The following CNTNAP4 variants were observed in gnomAD, a reference collection of about 807,000 sequenced individuals.
CNTNAP4 encodes the protein contactin-associated protein-like 4.
Under a neutral mutation model 148.4 loss-of-function variants are expected in CNTNAP4, and 98 were observed. The observed-to-expected ratio is 0.66, with a 90% CI of 0.56 to 0.78. The LOEUF (loss-of-function observed/expected upper bound fraction) is 0.78, where lower values mean the gene tolerates loss of function less well. Among genes scored for constraint, CNTNAP4 ranks in the 30% least tolerant of loss-of-function variants. The pLI is 0.00. For synonymous variants in CNTNAP4, 730 were observed against 565.1 expected, an observed-to-expected ratio of 1.29 and a Z score of -4.14; for missense variants, 1,935 against 1,565.6, an observed-to-expected ratio of 1.24 and a Z score of -3.98.
At position 76,522,207 on chromosome 16, in the gene CNTNAP4, C is replaced by G; in HGVS notation, c.2705C>G (p.Ala902Gly). ...CAGCTGACACCAAAGACACAGCCCG[C>G]CCCCGCTGATGGGCATGTCCTGTTA... ...VDQLTPKTQPAPADGHVLLQL... is the reference protein window; with the variant it reads ...VDQLTPKTQPGPADGHVLLQL... The change falls in exon 17 of 24, where the codon GCC becomes GGC. Residue 902 changes from alanine to glycine, a missense_variant. By Grantham distance (60) the Ala-to-Gly change is moderately conservative. Coordinates refer to ENST00000611870, the MANE Select transcript of CNTNAP4 (RefSeq NM_033401.5). The G allele has an allele frequency of 6.2e-7, 1 of 1,613,930 alleles. No homozygotes were observed. Among genetic ancestry groups the G allele is most frequent in the Non-Finnish European group, 8.5e-7 (1 of 1,179,880 alleles).
rs369140297 is a variant in CNTNAP4, at chr16:76,442,214, G to C, written c.539-5798G>C. Among the ~76,000 whole-genome samples the C allele has an allele frequency of 3.0e-3, 464 of 152,156 alleles. 3 individuals are homozygous for C. Among genetic ancestry groups the C allele is most frequent in the African/African-American group, 0.01 (424 of 41,524 alleles). ...ATGCTGTGACACTGGTCACATGAAGGAAGAGGCCACGAGCCAAGTGGTCTC... is the reference window on the plus strand; with the variant it reads ...ATGCTGTGACACTGGTCACATGAAGCAAGAGGCCACGAGCCAAGTGGTCTC... On this transcript the variant is annotated intron_variant, in intron 4 of 23. Coordinates refer to ENST00000611870, the MANE Select transcript of CNTNAP4 (RefSeq NM_033401.5).
intron 8 of CNTNAP4, among the ~76,000 whole-genome samples, chr16:76,455,775 T>C (rs1439757347): frequency 6.6e-6 from 1 of 152,238 alleles, no homozygotes; most frequent in Non-Finnish European, 1.5e-5. Flanking sequence ...GCACCTTTGC[T>C]GAACTCCTAC....
At chr16:76,511,992 A>G (rs2083045651) in intron 15 of CNTNAP4, among the ~76,000 whole-genome samples, 1 of 152,122 alleles carries the variant, frequency 6.6e-6, no homozygotes, top group Non-Finnish European at 1.5e-5. Flanking sequence ...TGGCATTTGA[A>G]TAAAGATTTG....
intron 2 of CNTNAP4, among the ~76,000 whole-genome samples, chr16:76,341,809 A>T (rs192650366): frequency 2.8e-3 from 434 of 152,310 alleles, no homozygotes; most frequent in Non-Finnish European, 5.0e-3. Flanking sequence ...AGAGAAAATG[A>T]GAGTTGTGTT....
chr16:76,344,370 C>G (rs1456100965), intron 2 of CNTNAP4, among the ~76,000 whole-genome samples: 1 of 152,124 alleles, frequency 6.6e-6, no homozygotes, highest in African/African-American at 2.4e-5. Flanking sequence ...TTCTGACCAC[C>G]TATCTATACA....
At chr16:76,330,243 A>C (rs1266101444) in intron 2 of CNTNAP4, among the ~76,000 whole-genome samples, 1 of 152,036 alleles carries the variant, frequency 6.6e-6, no homozygotes. Context: ...TTCTCCCTTG[A>C]TCCCTCCTTC....
chr16:76,284,029 C>T (rs563031185), intron 1 of CNTNAP4, among the ~76,000 whole-genome samples: 1 of 152,072 alleles, frequency 6.6e-6, no homozygotes, highest in Non-Finnish European at 1.5e-5. Flanking sequence ...GATTGTCTTC[C>T]ATGCTCTAGT....
chr16:76,449,229 C>G (rs1388971215), intron 6 of CNTNAP4, among the ~76,000 whole-genome samples: 1 of 151,902 alleles, frequency 6.6e-6, no homozygotes, highest in Non-Finnish European at 1.5e-5. Context: ...ATCTTCTGCA[C>G]CAAAAAAATC....
chr16:76,337,536 A>C (rs1042920830), intron 2 of CNTNAP4, among the ~76,000 whole-genome samples: 3 of 152,168 alleles, frequency 2.0e-5, no homozygotes, highest in African/African-American at 7.2e-5. Flanking sequence ...GAAGATCACA[A>C]GGCAGAGGGT....
rs534049173 is a variant in CNTNAP4 at position 76,427,628 on chromosome 16, C to T, written c.538+29C>T. On this transcript the variant is annotated intron_variant, in intron 4 of 23. Coordinates refer to ENST00000611870, the MANE Select transcript of CNTNAP4 (RefSeq NM_033401.5). ...AGTGTTTGTTTATCCAATACACTGA[C>T]ATAGATATCAAAAGAGATGTTTTAA... is the stretch of plus-strand genomic sequence containing the variant. 7 of 1,557,582 alleles carry T rather than the reference C, an allele frequency of 4.5e-6. No homozygotes were observed. The African/African-American group carries it at 6.9e-5, about 15-fold the overall frequency.
chr16:76,284,790 T>A (rs944614832), intron 1 of CNTNAP4, among the ~76,000 whole-genome samples: 3 of 152,060 alleles, frequency 2.0e-5, no homozygotes, highest in Admixed American at 2.0e-4. Context: ...TTTATTTGAC[T>A]TTTGAAACTG....
At chr16:76,298,077 C>A (rs1049773667) in intron 1 of CNTNAP4, among the ~76,000 whole-genome samples, 2 of 152,126 alleles carry the variant, frequency 1.3e-5, no homozygotes, top group Non-Finnish European at 2.9e-5. Context: ...TACATCTTCC[C>A]CATCTCTTTT....
At chr16:76,510,502 T>C (rs996289076) in intron 15 of CNTNAP4, among the ~76,000 whole-genome samples, 2 of 152,032 alleles carry the variant, frequency 1.3e-5, no homozygotes, top group Non-Finnish European at 2.9e-5. Context: ...TTTATTTCTC[T>C]TCGGTATGTA....
At chr16:76,430,937 G>A (rs1356435695) in intron 4 of CNTNAP4, among the ~76,000 whole-genome samples, 1 of 152,036 alleles carries the variant, frequency 6.6e-6, no homozygotes, top group Admixed American at 6.6e-5. Context: ...CCATTTATTG[G>A]TACTTGCCAA....
intron 1 of CNTNAP4, among the ~76,000 whole-genome samples, chr16:76,280,322 G>C (rs1958638552): frequency 6.6e-6 from 1 of 152,026 alleles, no homozygotes; most frequent in African/African-American, 2.4e-5. Context: ...TTAAACAGCA[G>C]GGAAACTTTA....
intron 1 of CNTNAP4, among the ~76,000 whole-genome samples, chr16:76,282,843 TATC>T (rs1958738123): frequency 6.6e-6 from 1 of 151,970 alleles, no homozygotes; most frequent in South Asian, 2.1e-4. Context: ...TATGATGTAA[TATC>T]ATTTAAAAAC....
intron 3 of CNTNAP4, among the ~76,000 whole-genome samples, chr16:76,378,729 T>C (rs1402511543): frequency 6.6e-6 from 1 of 152,144 alleles, no homozygotes; most frequent in Non-Finnish European, 1.5e-5. Context: ...TTCCTTAAGA[T>C]TCCATATAGA....
intron 3 of CNTNAP4, among the ~76,000 whole-genome samples, chr16:76,404,568 A>C (rs922976220): frequency 6.6e-6 from 1 of 152,168 alleles, no homozygotes; most frequent in African/African-American, 2.4e-5. Context: ...GGTCTGAATT[A>C]GAATCTCTCA....
intron 3 of CNTNAP4, among the ~76,000 whole-genome samples, chr16:76,367,687 A>T (rs2014311259): frequency 6.6e-6 from 1 of 152,336 alleles, no homozygotes; most frequent in South Asian, 2.1e-4. Flanking sequence ...ATCATGAACA[A>T]CTTTTAAATA....
Sources: allele counts gnomAD v4.1 joint callset (sites outside exome capture counted in the v4.1 genomes callset), GRCh38; gene constraint gnomAD v4.1.1; transcripts MANE v1.5; gene names NCBI Gene and HGNC (gene_info 2026-07-23, HGNC 2026-07-21).